The following PCGF3 variants were observed in gnomAD, a reference collection of about 807,000 sequenced individuals.
PCGF3 encodes the protein polycomb group RING finger protein 3.
PCGF3 carries 7 observed loss-of-function variants against 33.1 expected under a neutral mutation model. That is an observed-to-expected ratio of 0.21 (90% CI 0.12 to 0.40). The LOEUF (loss-of-function observed/expected upper bound fraction) is 0.40, where lower values mean the gene tolerates loss of function less well. Ranked by LOEUF, PCGF3 falls within the 10% of genes least tolerant of loss-of-function variation. PCGF3 has a pLI of 1.00. For synonymous variants in PCGF3, 153 were observed against 121.3 expected (o/e 1.26, Z -1.72); for missense variants, 211 against 313.3 (o/e 0.67, Z 2.46).
At chr4:742,805 A>C (rs954510149) in intron 6 of PCGF3, among the ~76,000 whole-genome samples, 1 of 152,122 alleles carries the variant, frequency 6.6e-6, no homozygotes, top group Non-Finnish European at 1.5e-5. Flanking sequence ...CACAGACACC[A>C]GGGGGCGCTC....
intron 8 of PCGF3, among the ~76,000 whole-genome samples, chr4:755,649 G>A (rs1744736197): frequency 6.6e-6 from 1 of 152,088 alleles, no homozygotes; most frequent in African/African-American, 2.4e-5. Context: ...ATATTTTAAA[G>A]GTTTGCTTTT....
chr4:761,332 G>A (rs1745045470), exon 9 of PCGF3: 1 of 1,609,910 alleles, frequency 6.2e-7, no homozygotes, highest in Non-Finnish European at 8.5e-7. Context: ...TGAAGCGGAA[G>A]TGGATCCGCT....
At position 725,703 on chromosome 4, in the gene PCGF3, G is replaced by A. The variant is rs187248200; in HGVS notation, c.-189-4927G>A. 5.7e-4 allele frequency among the ~76,000 whole-genome samples: 87 copies of A among 151,564 alleles called. 1 individual carries two copies. The East Asian group carries it at 0.016, about 28-fold the overall frequency. On this transcript the variant is annotated intron_variant, in intron 1 of 10. Transcript: ENST00000362003. ...CGCTGTGGCTGTGTGGGCTGCCGAG[G>A]GCTGCTGTGGGCTCTGTGCTGTGGC... is the stretch of plus-strand genomic sequence containing the variant.
chr4:717,829 C>G (rs911132745), intron 1 of PCGF3, among the ~76,000 whole-genome samples: 1 of 152,216 alleles, frequency 6.6e-6, no homozygotes, highest in Non-Finnish European at 1.5e-5. Flanking sequence ...GGAGTCCACG[C>G]GGCAGGGGCA....
intron 6 of PCGF3, among the ~76,000 whole-genome samples, chr4:738,989 T>C (rs953936737): frequency 6.6e-6 from 1 of 152,198 alleles, no homozygotes; most frequent in Non-Finnish European, 1.5e-5. Flanking sequence ...GTGGCCGTCC[T>C]TGCTGCACCT....
At chr4:723,206 T>C (rs1039511309) in intron 1 of PCGF3, among the ~76,000 whole-genome samples, 26 of 152,156 alleles carry the variant, frequency 1.7e-4, no homozygotes, top group Middle Eastern at 3.2e-3. Flanking sequence ...GTCTGAAAAG[T>C]GTGGTGAGAG....
At chr4:723,010 GC>G (rs2109558742) in intron 1 of PCGF3, among the ~76,000 whole-genome samples, 1 of 118,394 alleles carries the variant, frequency 8.4e-6, no homozygotes, top group Non-Finnish European at 1.6e-5. Flanking sequence ...GTCCACATTC[GC>G]GTCATCGCCA....
At chr4:724,565 A>G (rs1424652953) in intron 1 of PCGF3, among the ~76,000 whole-genome samples, 1 of 152,218 alleles carries the variant, frequency 6.6e-6, no homozygotes, top group Non-Finnish European at 1.5e-5. Context: ...GGTGGCTCAC[A>G]TCTGTAATCC....
intron 1 of PCGF3, among the ~76,000 whole-genome samples, chr4:706,365 A>AG (rs1560191878): frequency 8.0e-6 from 1 of 124,412 alleles, no homozygotes; most frequent in South Asian, 2.9e-4. Flanking sequence ...CAGGGAGGGC[A>AG]AGACCCCAGT....
At chr4:739,548 T>C (rs1033221613) in intron 6 of PCGF3, among the ~76,000 whole-genome samples, 1 of 152,200 alleles carries the variant, frequency 6.6e-6, no homozygotes, top group African/African-American at 2.4e-5. Flanking sequence ...CGGGCCTCCT[T>C]CTGGTTCCTG....
intron 6 of PCGF3, among the ~76,000 whole-genome samples, chr4:738,961 C>T (rs751518452): frequency 2.6e-4 from 39 of 152,312 alleles, no homozygotes; most frequent in African/African-American, 5.5e-4. Context: ...CACCACCCCC[C>T]GCCAGCAGTT....
intron 9 of PCGF3, chr4:764,357 G>A (rs1195694850): frequency 6.6e-6 from 1 of 152,340 alleles, no homozygotes; most frequent in Non-Finnish European, 1.5e-5. Context: ...GGGAGGGACA[G>A]CCTGGACCGG....
Position 749,093 on chromosome 4 carries a change from C to T in PCGF3, c.462+4405C>T, listed in dbSNP as rs545743923. Among the ~76,000 whole-genome samples the T allele has an allele frequency of 2.4e-3, 361 of 152,300 alleles. 1 individual carries two copies. The highest frequency in any genetic ancestry group is 4.0e-3 in the Non-Finnish European group (274 of 68,040). ...ACTAATATTTACCTTTTCTTTTGATCCTTGACGTGCTAAAGATTTATTTGT... is the reference window on the plus strand; with the variant it reads ...ACTAATATTTACCTTTTCTTTTGATTCTTGACGTGCTAAAGATTTATTTGT... On this transcript the variant is annotated intron_variant, in intron 8 of 10. Transcript: ENST00000362003.
exon 11 of PCGF3, chr4:770,048 TTAA>T (rs1423208236): frequency 6.6e-6 from 1 of 152,650 alleles, no homozygotes; most frequent in African/African-American, 2.4e-5. Context: ...GTTTTGCCAA[TTAA>T]TATTATATGC....
In PCGF3 at chr4:721,503, C is replaced by T. The variant is rs1180912717; in HGVS notation, c.-189-9127C>T. On this transcript the variant is annotated intron_variant, in intron 1 of 10. Transcript: ENST00000362003. This position sits in a 1 kb window ranked among gnomAD's most constrained non-coding sequence, Gnocchi z 4.1. Reference sequence around the variant, plus strand: ...CTGCAGAGGGTGCCGGGGTGGAGAGCGGAAGAGAGAGGGAGTCGGTGCCTT... The same window carrying T: ...CTGCAGAGGGTGCCGGGGTGGAGAGTGGAAGAGAGAGGGAGTCGGTGCCTT... Among the ~76,000 whole-genome samples the T allele has an allele frequency of 2.0e-5, 3 of 151,854 alleles. No individual in the cohort carries two copies. The highest frequency in any genetic ancestry group is 7.3e-5 in the African/African-American group (3 of 41,314).
intron 6 of PCGF3, among the ~76,000 whole-genome samples, chr4:738,585 C>T (rs1303273750): frequency 1.3e-5 from 2 of 151,686 alleles, no homozygotes; most frequent in African/African-American, 4.8e-5. Flanking sequence ...TGCAGTGGCT[C>T]ACGCCTGTAA....
rs537965133 is a variant in PCGF3 at position 752,067 on chromosome 4, C to A, written c.462+7379C>A. On this transcript the variant is annotated intron_variant, in intron 8 of 10. Coordinates refer to ENST00000362003, the Ensembl canonical transcript of PCGF3. ...TCTAAACCAAAAATACTTGACGGGG[C>A]CTTTCTTTCTGTTTTCCGAGGGAGG... is the stretch of plus-strand genomic sequence containing the variant. Among the ~76,000 whole-genome samples the A allele has an allele frequency of 3.9e-5, 6 of 152,366 alleles. No homozygotes were observed. In the South Asian group the frequency reaches 1.2e-3, roughly 32 times the overall value.
chr4:758,670 C>T (rs1439137284), intron 8 of PCGF3, among the ~76,000 whole-genome samples: 1 of 100,564 alleles, frequency 9.9e-6, no homozygotes, highest in Non-Finnish European at 2.1e-5. Context: ...GACTCCAGGT[C>T]TTTCTCCCCG....
chr4:716,538 A>C (rs1256220489), intron 1 of PCGF3, among the ~76,000 whole-genome samples: 1 of 123,210 alleles, frequency 8.1e-6, no homozygotes. Flanking sequence ...CGGTGCTGGG[A>C]CCCTGTGGAC....
Sources: allele counts gnomAD v4.1 joint callset (sites outside exome capture counted in the v4.1 genomes callset), GRCh38; gene constraint gnomAD v4.1.1; non-coding constraint Gnocchi (gnomAD v3.1); transcripts MANE v1.5; gene names NCBI Gene and HGNC (gene_info 2026-07-23, HGNC 2026-07-21).